Variants in EML1 observed in about 807,000 individuals in gnomAD.
EML1 encodes the protein EMAP like 1.
Under a neutral mutation model 110.4 loss-of-function variants are expected in EML1, and 27 were observed. That is an observed-to-expected ratio of 0.24 (90% CI 0.18 to 0.34). EML1 has a LOEUF of 0.34. Among genes scored for constraint, EML1 ranks in the 10% least tolerant of loss-of-function variants. The pLI is 1.00. For synonymous variants in EML1, 344 were observed against 385.8 expected, an observed-to-expected ratio of 0.89 and a Z score of 1.27; for missense variants, 741 against 1,030.9, an observed-to-expected ratio of 0.72 and a Z score of 3.85.
intron 1 of EML1, among the ~76,000 whole-genome samples, chr14:99,810,973 C>T (rs780554809): frequency 2.6e-5 from 4 of 151,996 alleles, no homozygotes; most frequent in African/African-American, 7.3e-5. Context: ...AAAGAAAAAA[C>T]TCTGATCACA....
At chr14:99,882,106 A>G (rs947648171) in intron 4 of EML1, among the ~76,000 whole-genome samples, 1 of 152,226 alleles carries the variant, frequency 6.6e-6, no homozygotes, top group African/African-American at 2.4e-5. Flanking sequence ...AACAAAAGCA[A>G]TATATGGTAG....
intron 4 of EML1, chr14:99,886,255 G>T: frequency 1.0e-5 from 2 of 191,856 alleles, no homozygotes; most frequent in South Asian, 9.0e-5. Flanking sequence ...GCCAAGACAG[G>T]CAGATCATTT....
At chr14:99,849,513 G>A (rs2058755990) in intron 1 of EML1, among the ~76,000 whole-genome samples, 1 of 131,986 alleles carries the variant, frequency 7.6e-6, no homozygotes, top group Non-Finnish European at 1.7e-5. Flanking sequence ...ATTTGTGTGT[G>A]TGTGTGTGTG....
intron 9 of EML1, among the ~76,000 whole-genome samples, chr14:99,901,545 T>C (rs1309585368): frequency 6.6e-6 from 1 of 152,238 alleles, no homozygotes; most frequent in Non-Finnish European, 1.5e-5. Context: ...CCCTGAGGTC[T>C]GCTGGTTGCC....
intron 1 of EML1, among the ~76,000 whole-genome samples, chr14:99,760,392 A>G (rs886280618): frequency 6.6e-6 from 1 of 151,982 alleles, no homozygotes; most frequent in Admixed American, 6.6e-5. Flanking sequence ...CATTTCCCAC[A>G]TTGCTGCATG....
rs534350580 is a variant in EML1, at chr14:99,850,456, A to G, written c.68-397A>G. 5 of 788,850 alleles carry G rather than the reference A, an allele frequency of 6.3e-6. No homozygotes were observed. The African/African-American group carries it at 8.9e-5, about 14-fold the overall frequency. The allele number at this position is 788,850 out of a possible 1,614,324, so 48.9% of individuals were successfully genotyped here. ...TTGTATGACCTACCTGTCAGTTAAC[A>G]TAATTGGAACAGAAGCTAGAAGACC... On this transcript the variant is annotated intron_variant, in intron 1 of 21. Coordinates refer to ENST00000262233, the MANE Select transcript of EML1 (RefSeq NM_004434.3).
chr14:99,806,323 T>TC (rs2057974421), intron 1 of EML1, among the ~76,000 whole-genome samples: 1 of 146,626 alleles, frequency 6.8e-6, no homozygotes. Flanking sequence ...AATCTTTTTT[T>TC]TTTTTTTTTT....
At chr14:99,866,628 C>G (rs1415018083) in intron 3 of EML1, among the ~76,000 whole-genome samples, 2 of 146,840 alleles carry the variant, frequency 1.4e-5, no homozygotes, top group African/African-American at 2.5e-5. Flanking sequence ...ATTCACGCAT[C>G]TATTGTTGTG....
chr14:99,883,550 A>T (rs1344924195), intron 4 of EML1: 1 of 151,744 alleles, frequency 6.6e-6, no homozygotes, highest in African/African-American at 2.4e-5. Context: ...AAAAAAAAAA[A>T]TCTAGATGCA....
At chr14:99,741,631 C>T (rs902077816) in intron 1 of EML1, among the ~76,000 whole-genome samples, 1 of 151,914 alleles carries the variant, frequency 6.6e-6, no homozygotes, top group African/African-American at 2.4e-5. Context: ...TGCGCCCACC[C>T]CCCCCCAGAC....
intron 3 of EML1, among the ~76,000 whole-genome samples, chr14:99,868,593 T>C (rs1447976708): frequency 2.0e-5 from 3 of 152,196 alleles, no homozygotes. Context: ...CCCAATTTGC[T>C]GGCATATGCT....
chr14:99,793,505 G>T lies in EML1; in HGVS notation c.29G>T (p.Ser10Ile). 1 of 1,052,864 alleles carries T rather than the reference G, an allele frequency of 9.5e-7. No homozygotes were observed. The highest frequency in any genetic ancestry group is 1.2e-6 in the Non-Finnish European group (1 of 868,922). The allele number at this position is 1,052,864 out of a possible 1,614,324, so 65.2% of individuals were successfully genotyped here. ...GAGGACGGCTTCTCCAGCTACAGCAGCCTGTACGACACGTCCTCGCTGCTC... is the reference window on the plus strand; with the variant it reads ...GAGGACGGCTTCTCCAGCTACAGCATCCTGTACGACACGTCCTCGCTGCTC... MEDGFSSYS[S>I]LYDTSSLLQF... The change falls in exon 1 of 22, where the codon AGC becomes ATC. Residue 10 changes from serine (S) to isoleucine (I), a missense_variant. By Grantham distance (142) the Ser-to-Ile change is moderately radical. This residue lies in a region of EML1 where 226 missense variants were observed against 255.6 expected (regional missense o/e 0.88). Coordinates refer to ENST00000262233, the MANE Select transcript of EML1 (RefSeq NM_004434.3).
rs964957011 is a variant in EML1, at chr14:99,784,576, T to C, written c.-27+10563T>C. Among the ~76,000 whole-genome samples, 1 of 152,250 alleles carries C rather than the reference T, an allele frequency of 6.6e-6. No homozygotes were observed. The highest frequency in any genetic ancestry group is 1.5e-5 in the Non-Finnish European group (1 of 68,046). The stretch of plus-strand genomic sequence containing the variant: ...ATCCATTTGGACTATCAACAGATTA[T>C]CTGTGGAAGGGTCTGAAGTTCATGA... On this transcript the variant is annotated intron_variant, in intron 1 of 22. Coordinates refer to the EML1 transcript ENST00000327921. This position sits in a 1 kb window ranked among gnomAD's most constrained non-coding sequence, Gnocchi z 4.5.
intron 1 of EML1, among the ~76,000 whole-genome samples, chr14:99,747,413 T>C (rs990820317): frequency 6.6e-6 from 1 of 151,624 alleles, no homozygotes; most frequent in Non-Finnish European, 1.5e-5. Flanking sequence ...ATGGCAGCTG[T>C]CTGGCCTGAT....
intron 6 of EML1, among the ~76,000 whole-genome samples, chr14:99,895,474 A>G (rs1232678638): frequency 6.6e-6 from 1 of 152,230 alleles, no homozygotes; most frequent in Non-Finnish European, 1.5e-5. Flanking sequence ...AACAGTGACA[A>G]TGCAAGAAAA....
upstream of EML1, among the ~76,000 whole-genome samples, chr14:99,790,627 T>C (rs192418230): frequency 6.6e-6 from 1 of 152,254 alleles, no homozygotes; most frequent in Non-Finnish European, 1.5e-5. Context: ...CAAAGTGGAA[T>C]AGAGAGAGCA....
chr14:99,828,801 A>G (rs1368549999), intron 1 of EML1, among the ~76,000 whole-genome samples: 1 of 152,232 alleles, frequency 6.6e-6, no homozygotes, highest in Non-Finnish European at 1.5e-5. Flanking sequence ...AATAAGCTGG[A>G]GAAAAGAAAA....
At chr14:99,835,660 A>G (rs890984784) in intron 1 of EML1, among the ~76,000 whole-genome samples, 1 of 152,110 alleles carries the variant, frequency 6.6e-6, no homozygotes, top group African/African-American at 2.4e-5. Context: ...CTGTGTTTTT[A>G]TGTTCATTCA....
rs140519264 is a variant in EML1, at chr14:99,805,672, C to T, written c.67+12129C>T. On this transcript the variant is annotated intron_variant, in intron 1 of 21. Transcript: ENST00000262233. ...TTATTTTTTTGTGGAAATGGGGTCT[C>T]GATTTGTTCCTCAAGCTGGTTTTGA... 1.9e-3 allele frequency among the ~76,000 whole-genome samples: 289 copies of T among 151,992 alleles called. 1 individual carries two copies. Among genetic ancestry groups the T allele is most frequent in the African/African-American group, 6.9e-3 (284 of 41,428 alleles).
Sources: allele counts gnomAD v4.1 joint callset (sites outside exome capture counted in the v4.1 genomes callset), GRCh38; gene constraint gnomAD v4.1.1; regional missense constraint gnomAD v4.1.1; non-coding constraint Gnocchi (gnomAD v3.1); transcripts MANE v1.5; gene names NCBI Gene and HGNC (gene_info 2026-07-23, HGNC 2026-07-21).